The following WWOX variants were observed in gnomAD, a reference collection of about 807,000 sequenced individuals.
WWOX encodes WW domain containing oxidoreductase.
Under a neutral mutation model 46.2 loss-of-function variants are expected in WWOX, and 69 were observed. That is an observed-to-expected ratio of 1.49 (90% confidence interval 1.23 to 1.82). WWOX has a LOEUF of 1.82. Among genes scored for constraint, WWOX ranks in the 40% most tolerant of loss-of-function variants. The probability of loss-of-function intolerance (pLI) is 0.00; values close to 1 mark genes in which losing one functional copy is unlikely to be tolerated. For missense variants in WWOX, 919 were observed against 542.6 expected, an observed-to-expected ratio of 1.69 and a Z score of -6.89; for synonymous variants, 359 against 202.6, an observed-to-expected ratio of 1.77 and a Z score of -6.56.
At chr16:78,347,534 C>T (rs368594275) in intron 5 of WWOX, among the ~76,000 whole-genome samples, 3 of 118,884 alleles carry the variant, frequency 2.5e-5, no homozygotes, top group African/African-American at 5.7e-5. Flanking sequence ...TGTTCCTGAG[C>T]TTCTTAGGCG....
intron 5 of WWOX, among the ~76,000 whole-genome samples, chr16:78,353,696 C>G (rs2081227702): frequency 6.6e-6 from 1 of 152,250 alleles, no homozygotes; most frequent in Non-Finnish European, 1.5e-5. Flanking sequence ...GAACTGCAGT[C>G]TGTGGCTCAC....
intron 8 of WWOX, among the ~76,000 whole-genome samples, chr16:78,822,218 G>C (rs966902173): frequency 1.3e-5 from 2 of 152,176 alleles, no homozygotes; most frequent in Non-Finnish European, 2.9e-5. Flanking sequence ...GTGAGGCCAG[G>C]TGTGGTGGCT....
At chr16:78,987,214 T>A (rs368249388) in intron 8 of WWOX, among the ~76,000 whole-genome samples, 19 of 152,316 alleles carry the variant, frequency 1.2e-4, no homozygotes, top group African/African-American at 4.6e-4. Context: ...AAAAGACGAG[T>A]CAGTTTATAA....
chr16:78,177,415 A>G (rs184561413), intron 5 of WWOX, among the ~76,000 whole-genome samples: 176 of 152,308 alleles, frequency 1.2e-3, no homozygotes, highest in African/African-American at 4.1e-3. Flanking sequence ...TAGTGTGGTA[A>G]GAGTGATACT....
intron 6 of WWOX, among the ~76,000 whole-genome samples, chr16:78,407,773 T>C (rs1567554351): frequency 6.6e-6 from 1 of 152,096 alleles, no homozygotes; most frequent in Admixed American, 6.5e-5. Context: ...ATAAGAAAAA[T>C]AGCATTGATT....
intron 4 of WWOX, 42 bp from the exon 5 acceptor site, chr16:78,164,141 T>A: frequency 6.4e-7 from 1 of 1,556,360 alleles, no homozygotes; most frequent in Non-Finnish European, 8.8e-7. Context: ...CTCACTGTGT[T>A]GATGTTATGT....
chr16:79,185,565 G>T (rs147281462), intron 8 of WWOX, among the ~76,000 whole-genome samples: 1 of 152,130 alleles, frequency 6.6e-6, no homozygotes, highest in African/African-American at 2.4e-5. Flanking sequence ...TTGAGAGCTC[G>T]CCGCACAGAT....
At chr16:78,728,717 T>G (rs2048893982) in intron 8 of WWOX, among the ~76,000 whole-genome samples, 2 of 152,168 alleles carry the variant, frequency 1.3e-5, no homozygotes, top group African/African-American at 4.8e-5. Flanking sequence ...CCTTTTCCAG[T>G]TTTCACATCC....
chr16:79,174,292 C>T (rs754432390), intron 8 of WWOX, among the ~76,000 whole-genome samples: 3 of 152,204 alleles, frequency 2.0e-5, no homozygotes, highest in Admixed American at 6.5e-5. Flanking sequence ...GAAAAATTAT[C>T]TTTTCCCCCA....
rs533613561 is a variant in WWOX at position 78,841,447 on chromosome 16, G to A, written c.1057-370161G>A. ...TTCAGTGACATCGTGTTGGTAGCTTGAAACTGACCGTGGTGAGAATATTTA... is the reference window on the plus strand; with the variant it reads ...TTCAGTGACATCGTGTTGGTAGCTTAAAACTGACCGTGGTGAGAATATTTA... On this transcript the variant is annotated intron_variant, in intron 8 of 8. Coordinates refer to ENST00000566780, the MANE Select transcript of WWOX (RefSeq NM_016373.4). Among the ~76,000 whole-genome samples, 3 of 152,326 alleles carry A rather than the reference G, an allele frequency of 2.0e-5. No homozygotes were observed. In the East Asian group the frequency reaches 5.8e-4, roughly 29 times the overall value.
chr16:79,076,691 G>A (rs989515938), intron 8 of WWOX, among the ~76,000 whole-genome samples: 9 of 152,202 alleles, frequency 5.9e-5, no homozygotes, highest in South Asian at 2.1e-4. Flanking sequence ...ATCGAACTTC[G>A]TCTTTAGCCC....
intron 8 of WWOX, among the ~76,000 whole-genome samples, chr16:79,109,265 T>G (rs771551888): frequency 6.6e-6 from 1 of 152,226 alleles, no homozygotes; most frequent in African/African-American, 2.4e-5. Flanking sequence ...GTGTGCACTG[T>G]GGCTGGGAGT....
intron 8 of WWOX, among the ~76,000 whole-genome samples, chr16:78,547,320 A>G (rs2044064869): frequency 6.6e-6 from 1 of 152,090 alleles, no homozygotes; most frequent in Admixed American, 6.5e-5. Context: ...CACTATTAGT[A>G]TCCCCAATTT....
At chr16:78,503,411 G>C (rs113293919) in intron 8 of WWOX, among the ~76,000 whole-genome samples, 15 of 151,522 alleles carry the variant, frequency 9.9e-5, no homozygotes, top group Non-Finnish European at 2.1e-4. Flanking sequence ...CCATACTCCA[G>C]ATCTTCAGTG....
chr16:78,744,980 A>T lies in WWOX; in HGVS notation c.1056+312228A>T, dbSNP rs78829357. On this transcript the variant is annotated intron_variant, in intron 8 of 8. Transcript: ENST00000566780. ...GCTGCGCTAAGCTGACTTCATCATG[A>T]CTCCTGGCTTCCCCAGTCCCTGCTT... 2.0e-5 allele frequency among the ~76,000 whole-genome samples: 3 copies of T among 151,992 alleles called. No individual in the cohort carries two copies. In the East Asian group the frequency reaches 5.8e-4, roughly 29 times the overall value.
At chr16:78,735,397 A>G (rs2049065533) in intron 8 of WWOX, among the ~76,000 whole-genome samples, 1 of 118,448 alleles carries the variant, frequency 8.4e-6, no homozygotes, top group South Asian at 2.3e-4. Context: ...ACACACAAAC[A>G]CACACACACA....
chr16:78,301,950 A>C (rs980256192), intron 5 of WWOX, among the ~76,000 whole-genome samples: 2 of 151,498 alleles, frequency 1.3e-5, no homozygotes, highest in Non-Finnish European at 2.9e-5. Flanking sequence ...CTAAAATTAG[A>C]TGAGGGTGTT....
At chr16:78,279,786 GA>G in intron 5 of WWOX, among the ~76,000 whole-genome samples, 1 of 152,308 alleles carries the variant, frequency 6.6e-6, no homozygotes, top group South Asian at 2.1e-4. Flanking sequence ...TTCGCAAAGG[GA>G]AATAACTCTT....
chr16:78,416,804 G>C (rs572126871), intron 6 of WWOX, among the ~76,000 whole-genome samples: 198 of 152,340 alleles, frequency 1.3e-3, no homozygotes, highest in African/African-American at 4.6e-3. Context: ...AATTATCTAA[G>C]CTGGCAGGCC....
Sources: gnomAD v4.1 joint callset for allele counts (sites outside exome capture counted in the v4.1 genomes callset) on GRCh38, gnomAD v4.1.1 for gene constraint, MANE v1.5 for transcripts, NCBI Gene and HGNC (gene_info 2026-07-23, HGNC 2026-07-21) for gene names.